The following ANKFN1 variants were observed in gnomAD, a reference collection of about 807,000 sequenced individuals.
ANKFN1 encodes ankyrin repeat and fibronectin type III domain containing 1.
A neutral mutation model predicts 108.7 loss-of-function variants in ANKFN1; 74 were observed. The ratio of observed to expected loss-of-function variants is 0.68; its 90% CI spans 0.56 to 0.83. The LOEUF is 0.83. ANKFN1 is among the 40% of genes least tolerant of loss of function. The probability of loss-of-function intolerance (pLI) is 0.00; values close to 1 mark genes in which losing one functional copy is unlikely to be tolerated. For missense variants in ANKFN1, 1,505 were observed against 1,382.3 expected, an observed-to-expected ratio of 1.09 and a Z score of -1.41; for synonymous variants, 547 against 516.2, an observed-to-expected ratio of 1.06 and a Z score of -0.81.
At chr17:56,342,425 G>A (rs932241043) in intron 4 of ANKFN1, among the ~76,000 whole-genome samples, 1 of 151,230 alleles carries the variant, frequency 6.6e-6, no homozygotes, top group African/African-American at 2.4e-5. Context: ...TTCTTAATGG[G>A]GGCACTTAGT....
At chr17:56,149,135 G>C (rs1388754175), upstream of ANKFN1, among the ~76,000 whole-genome samples, 1 of 152,102 alleles carries the variant, frequency 6.6e-6, no homozygotes, top group Non-Finnish European at 1.5e-5. Flanking sequence ...TGGCGGGGTG[G>C]GTGAGAGGGG....
chr17:56,238,862 G>C (rs1224140193), intron 3 of ANKFN1, among the ~76,000 whole-genome samples: 1 of 152,084 alleles, frequency 6.6e-6, no homozygotes, highest in South Asian at 2.1e-4. Context: ...CATAACACTG[G>C]TCCTTCCTCT....
At chr17:56,167,275 A>ATGTATATATATATATATGTATATATATG (rs1555603947) in intron 1 of ANKFN1, among the ~76,000 whole-genome samples, 1 of 9,780 alleles carries the variant, frequency 1.0e-4, no homozygotes, top group Non-Finnish European at 1.0e-3. Flanking sequence ...ATATATATAC[A>ATGTATATATATATATATGTATATATATG]TATATATATA....
chr17:56,153,335 C>A, upstream of ANKFN1: 1 of 696,864 alleles, frequency 1.4e-6, no homozygotes, highest in South Asian at 1.8e-5. Context: ...CCTCTTGACC[C>A]TGCACTGTAA....
At chr17:56,455,997 G>C (rs963566065) in intron 11 of ANKFN1, among the ~76,000 whole-genome samples, 1 of 152,160 alleles carries the variant, frequency 6.6e-6, no homozygotes, top group Non-Finnish European at 1.5e-5. Context: ...GAAAAAAACT[G>C]TTCCAGAATG....
At chr17:56,188,903 T>A (rs1598204930) in intron 1 of ANKFN1, among the ~76,000 whole-genome samples, 1 of 151,842 alleles carries the variant, frequency 6.6e-6, no homozygotes, top group South Asian at 2.1e-4. Context: ...CAGTCCCATT[T>A]CCCCATCCTC....
intron 4 of ANKFN1, among the ~76,000 whole-genome samples, chr17:56,095,210 A>C (rs1215433764): frequency 6.6e-6 from 1 of 151,174 alleles, no homozygotes; most frequent in Non-Finnish European, 1.5e-5. Flanking sequence ...TTTAAGAGCA[A>C]TGTAACTATT....
At chr17:56,356,360 G>A (rs891050621) in intron 6 of ANKFN1, among the ~76,000 whole-genome samples, 1 of 152,158 alleles carries the variant, frequency 6.6e-6, no homozygotes, top group African/African-American at 2.4e-5. Flanking sequence ...TCATCAAACT[G>A]TTAGTTTCAC....
intron 1 of ANKFN1, among the ~76,000 whole-genome samples, chr17:56,171,369 A>G (rs1217680271): frequency 6.6e-6 from 1 of 152,164 alleles, no homozygotes; most frequent in Non-Finnish European, 1.5e-5. Flanking sequence ...TGGATGGGCC[A>G]GGAGCCTGTG....
intron 10 of ANKFN1, among the ~76,000 whole-genome samples, chr17:56,448,766 A>G (rs2049380792): frequency 6.6e-6 from 1 of 152,126 alleles, no homozygotes; most frequent in Non-Finnish European, 1.5e-5. Context: ...GTAGAAGGCT[A>G]AAAGGGGAGA....
intron 4 of ANKFN1, among the ~76,000 whole-genome samples, chr17:56,058,500 C>T (rs570992692): frequency 2.6e-5 from 4 of 152,128 alleles, no homozygotes; most frequent in Admixed American, 1.3e-4. Flanking sequence ...GATACATGTG[C>T]AGAACATGCA....
chr17:56,061,796 G>T (rs1283046946), intron 4 of ANKFN1, among the ~76,000 whole-genome samples: 1 of 152,056 alleles, frequency 6.6e-6, no homozygotes, highest in East Asian at 1.9e-4. Context: ...TGGATAGTTT[G>T]CTCTTGCCTC....
chr17:56,069,820 C>T (rs1465831846), intron 4 of ANKFN1, among the ~76,000 whole-genome samples: 1 of 152,220 alleles, frequency 6.6e-6, no homozygotes, highest in Non-Finnish European at 1.5e-5. Flanking sequence ...AGAATGGCTA[C>T]TCCATAGACA....
At chr17:56,283,494 C>T (rs986575439) in intron 3 of ANKFN1, among the ~76,000 whole-genome samples, 3 of 149,158 alleles carry the variant, frequency 2.0e-5, no homozygotes, top group African/African-American at 7.7e-5. Flanking sequence ...CCAAAATGCC[C>T]ATCAATCAAC....
rs184249682 is a variant in ANKFN1 at position 56,454,108 on chromosome 17, A to G, written c.1208-2753A>G. Among the ~76,000 whole-genome samples, 3 of 152,196 alleles carry G rather than the reference A, an allele frequency of 2.0e-5. No individual in the cohort carries two copies. In the East Asian group the frequency reaches 5.8e-4, roughly 29 times the overall value. On this transcript the variant is annotated intron_variant, in intron 11 of 20. Coordinates refer to ENST00000682825, the MANE Select transcript of ANKFN1 (RefSeq NM_001370326.1). ...CTTTTCCTCTCCTCTATCTTACTAGAACTCTTGTTATTCAGATTTTGGTTC... is the reference window on the plus strand; with the variant it reads ...CTTTTCCTCTCCTCTATCTTACTAGGACTCTTGTTATTCAGATTTTGGTTC...
At chr17:56,485,991 A>G (rs1280109387) in intron 18 of ANKFN1, among the ~76,000 whole-genome samples, 1 of 152,210 alleles carries the variant, frequency 6.6e-6, no homozygotes, top group Non-Finnish European at 1.5e-5. Flanking sequence ...TGACAAAGAG[A>G]TTAATACATA....
rs560163786 is a variant in ANKFN1 at position 56,340,285 on chromosome 17, T to C, written c.189-10481T>C. On this transcript the variant is annotated intron_variant, in intron 4 of 20. Coordinates refer to ENST00000682825, the MANE Select transcript of ANKFN1 (RefSeq NM_001370326.1). Reference sequence around the variant, plus strand: ...TTACTGTGTTGATAGTTTCTTTTGCTGTGCAGAAGCTCTTTAGTTTAATTA... The same window carrying C: ...TTACTGTGTTGATAGTTTCTTTTGCCGTGCAGAAGCTCTTTAGTTTAATTA... Among the ~76,000 whole-genome samples the C allele has an allele frequency of 5.9e-5, 9 of 152,288 alleles. No homozygotes were observed. In the East Asian group the frequency reaches 1.7e-3, roughly 29 times the overall value.
At chr17:56,214,207 T>C (rs188115787) in intron 2 of ANKFN1, among the ~76,000 whole-genome samples, 17 of 152,320 alleles carry the variant, frequency 1.1e-4, no homozygotes, top group African/African-American at 3.6e-4. Context: ...TCTAGGGATG[T>C]GCCTTTAACT....
At chr17:56,372,915 G>A in intron 7 of ANKFN1, 75 bp downstream of exon 7, 1 of 1,482,348 alleles carries the variant, frequency 6.7e-7, no homozygotes, top group Non-Finnish European at 9.1e-7. Flanking sequence ...TTCTTTTACA[G>A]ATTTTTTTTT....
Sources: gnomAD v4.1 joint callset for allele counts (sites outside exome capture counted in the v4.1 genomes callset) on GRCh38, gnomAD v4.1.1 for gene constraint, MANE v1.5 for transcripts, NCBI Gene and HGNC (gene_info 2026-07-23, HGNC 2026-07-21) for gene names.